The following AGBL4 variants were observed in gnomAD, a reference collection of about 807,000 sequenced individuals.
The protein encoded by AGBL4 is cytosolic carboxypeptidase 6.
A neutral mutation model predicts 66.4 loss-of-function variants in AGBL4; 58 were observed. The ratio of observed to expected loss-of-function variants is 0.87; its 90% CI spans 0.71 to 1.09. The LOEUF is 1.09. AGBL4 is among the 50% of genes least tolerant of loss of function. The probability of loss-of-function intolerance (pLI) is 0.00; values close to 1 mark genes in which losing one functional copy is unlikely to be tolerated. For missense variants in AGBL4, 579 were observed against 631.0 expected, an observed-to-expected ratio of 0.92 and a Z score of 0.88; for synonymous variants, 234 against 222.9, an observed-to-expected ratio of 1.05 and a Z score of -0.44.
chr1:49,465,698 A>G (rs1646616560), intron 3 of AGBL4, among the ~76,000 whole-genome samples: 1 of 151,842 alleles, frequency 6.6e-6, no homozygotes, highest in Non-Finnish European at 1.5e-5. Context: ...AAGGGAATGG[A>G]GCCCACATAT....
intron 5 of AGBL4, among the ~76,000 whole-genome samples, chr1:48,890,152 A>G (rs1412386227): frequency 6.6e-6 from 1 of 152,080 alleles, no homozygotes; most frequent in African/African-American, 2.4e-5. Context: ...CCTTCCCACC[A>G]GTGCCTTGGC....
At chr1:49,257,977 C>T (rs1036611982) in intron 3 of AGBL4, among the ~76,000 whole-genome samples, 3 of 152,126 alleles carry the variant, frequency 2.0e-5, no homozygotes, top group Non-Finnish European at 2.9e-5. Flanking sequence ...TCCAGAGGAA[C>T]GATCAGACAG....
chr1:49,972,478 C>T (rs1039103862), intron 1 of AGBL4, among the ~76,000 whole-genome samples: 1 of 152,132 alleles, frequency 6.6e-6, no homozygotes, highest in Non-Finnish European at 1.5e-5. Context: ...ACAATTCCAT[C>T]AATGTTGCTG....
chr1:48,982,969 C>T (rs1371332373), intron 5 of AGBL4, among the ~76,000 whole-genome samples: 1 of 152,102 alleles, frequency 6.6e-6, no homozygotes, highest in Non-Finnish European at 1.5e-5. Context: ...GGAATTAAAA[C>T]AGGGTTTTAC....
intron 4 of AGBL4, among the ~76,000 whole-genome samples, chr1:49,176,080 T>C (rs1646825740): frequency 1.3e-5 from 2 of 152,128 alleles, no homozygotes; most frequent in South Asian, 4.1e-4. Flanking sequence ...TTCCATACTC[T>C]GTAGGTACAT....
At chr1:49,568,630 T>C (rs12068048) in intron 3 of AGBL4, among the ~76,000 whole-genome samples, 2,973 of 152,158 alleles carry the variant, frequency 0.02, 111 homozygotes, top group African/African-American at 0.068. Context: ...AATGATGTTC[T>C]TCATAGAACT....
chr1:49,360,600 C>G (rs1644116455), intron 3 of AGBL4, among the ~76,000 whole-genome samples: 1 of 152,114 alleles, frequency 6.6e-6, no homozygotes, highest in Non-Finnish European at 1.5e-5. Flanking sequence ...CACAAATGAA[C>G]AAGACGACAA....
At chr1:49,912,597 G>A (rs186414224) in intron 1 of AGBL4, among the ~76,000 whole-genome samples, 2 of 152,260 alleles carry the variant, frequency 1.3e-5, no homozygotes, top group East Asian at 1.9e-4. Flanking sequence ...CAGGAACTAC[G>A]TGTAAGAGCT....
intron 3 of AGBL4, among the ~76,000 whole-genome samples, chr1:49,303,451 T>TTTATTTATTTATTTATTTA (rs1553180396): frequency 2.7e-5 from 4 of 147,240 alleles, no homozygotes; most frequent in Non-Finnish European, 4.5e-5. Flanking sequence ...CATAAATGTC[T>TTTATTTATTTATTTATTTA]TTTATTTATT....
At chr1:49,412,272 A>C (rs1412444742) in intron 3 of AGBL4, among the ~76,000 whole-genome samples, 1 of 152,106 alleles carries the variant, frequency 6.6e-6, no homozygotes, top group African/African-American at 2.4e-5. Flanking sequence ...GTTCCAGTGA[A>C]GGTTCTTGTC....
intron 2 of AGBL4, among the ~76,000 whole-genome samples, chr1:49,771,369 T>C (rs891759146): frequency 3.9e-5 from 6 of 152,128 alleles, no homozygotes; most frequent in Non-Finnish European, 7.4e-5. Flanking sequence ...ATACATGATA[T>C]GGCATCTATT....
chr1:49,657,644 T>G (rs1646171953), intron 3 of AGBL4, among the ~76,000 whole-genome samples: 1 of 152,172 alleles, frequency 6.6e-6, no homozygotes, highest in Admixed American at 6.5e-5. Context: ...AGCATGGTAC[T>G]GGTACCAAAA....
At chr1:49,894,845 A>G (rs1649026548) in intron 1 of AGBL4, among the ~76,000 whole-genome samples, 1 of 152,176 alleles carries the variant, frequency 6.6e-6, no homozygotes. Context: ...AGAGATGGGT[A>G]AAAATTTTTT....
intron 1 of AGBL4, among the ~76,000 whole-genome samples, chr1:49,991,871 T>A (rs1005365181): frequency 1.4e-4 from 21 of 152,220 alleles, no homozygotes; most frequent in African/African-American, 5.1e-4. Context: ...TTCTACTTCT[T>A]ACTAACTATG....
chr1:48,781,948 C>T (rs986287938), intron 6 of AGBL4, among the ~76,000 whole-genome samples: 2 of 152,174 alleles, frequency 1.3e-5, no homozygotes, highest in African/African-American at 2.4e-5. Context: ...GCATGCCAGG[C>T]GCTGTGTATA....
At chr1:49,031,895 TAA>T (rs1664258664) in intron 5 of AGBL4, among the ~76,000 whole-genome samples, 1 of 152,108 alleles carries the variant, frequency 6.6e-6, no homozygotes, top group Non-Finnish European at 1.5e-5. Flanking sequence ...ATAAGTCTGT[TAA>T]AAGAGAAATA....
intron 8 of AGBL4, among the ~76,000 whole-genome samples, chr1:48,636,956 A>G (rs1645677174): frequency 2.6e-5 from 4 of 152,230 alleles, no homozygotes; most frequent in Non-Finnish European, 5.9e-5. Context: ...CGGTTTTATT[A>G]AGAACCTTCT....
intron 3 of AGBL4, among the ~76,000 whole-genome samples, chr1:49,433,371 T>C (rs984655050): frequency 6.6e-6 from 1 of 152,152 alleles, no homozygotes; most frequent in Non-Finnish European, 1.5e-5. Flanking sequence ...TCTCTGATAC[T>C]GTAGTGTCAT....
chr1:49,364,478 GTTTT>G (rs911037450), intron 3 of AGBL4, among the ~76,000 whole-genome samples: 2 of 147,560 alleles, frequency 1.4e-5, no homozygotes, highest in Non-Finnish European at 3.0e-5. Flanking sequence ...CATGAGAGTA[GTTTT>G]TTTTTTTCTT....
Sources: gnomAD v4.1 joint callset for allele counts (sites outside exome capture counted in the v4.1 genomes callset) on GRCh38, gnomAD v4.1.1 for gene constraint, MANE v1.5 for transcripts, NCBI Gene and HGNC (gene_info 2026-07-23, HGNC 2026-07-21) for gene names.